Variants in VPS13C observed in about 807,000 individuals in gnomAD.
VPS13C encodes the protein intermembrane lipid transfer protein VPS13C.
Under a neutral mutation model 456.8 loss-of-function variants are expected in VPS13C, and 358 were observed. The observed-to-expected ratio is 0.78, with a 90% confidence interval of 0.72 to 0.86. The LOEUF (loss-of-function observed/expected upper bound fraction) is 0.86. VPS13C is among the 40% of genes least tolerant of loss of function. The pLI is 0.00. For synonymous variants in VPS13C, 1,578 were observed against 1,486.7 expected (o/e 1.06, Z -1.41); for missense variants, 4,818 against 4,385.4 (o/e 1.10, Z -2.79).
chr15:61,904,426 A>G (rs1237728251), intron 66 of VPS13C, among the ~76,000 whole-genome samples: 2 of 151,956 alleles, frequency 1.3e-5, no homozygotes, highest in Non-Finnish European at 2.9e-5. Flanking sequence ...CACCAGGGAA[A>G]TACAAGTCAA....
intron 28 of VPS13C, 61 bp from the exon 29 acceptor site, chr15:61,967,508 A>G: frequency 7.6e-7 from 1 of 1,324,212 alleles, no homozygotes; most frequent in East Asian, 2.4e-5. Flanking sequence ...GTAATTTGAA[A>G]CATTTTAGAT....
chr15:61,881,154 T>G (rs1444065606), intron 71 of VPS13C, among the ~76,000 whole-genome samples, 200 bp from the exon 72 acceptor site: 1 of 152,114 alleles, frequency 6.6e-6, no homozygotes, highest in Non-Finnish European at 1.5e-5. Context: ...TACTGCTGCA[T>G]TAACACTTAG....
Position 61,920,495 on chromosome 15 carries a change from T to C in VPS13C, c.7212+3A>G. 7.9e-6 allele frequency: 12 copies of C among 1,523,236 alleles called. No homozygotes were observed. Among genetic ancestry groups the C allele is most frequent in the Non-Finnish European group, 1.1e-5 (12 of 1,136,076 alleles). The allele number at this position is 1,523,236 out of a possible 1,614,324, so 94.4% of individuals were successfully genotyped here. A position where few individuals can be genotyped will look rare whatever the true frequency, so the allele number is the denominator to read the frequency against. On this transcript the variant is annotated splice_donor_region_variant and intron_variant, in intron 56 of 84. Transcript: ENST00000644861. ...AAATATTCTAAGCAAGATTCAGACA[T>C]ACTTTTGCTAAATTGTTGAAAACAT... is the stretch of plus-strand genomic sequence containing the variant.
At position 61,929,487 on chromosome 15, in the gene VPS13C, T is replaced by TA. The variant is rs1241365764; in HGVS notation, c.6286+13dup. On this transcript the variant is annotated intron_variant, in intron 51 of 84. Coordinates refer to ENST00000644861, the MANE Select transcript of VPS13C (RefSeq NM_020821.3). ...TATACAAGTTGTCATCTATGACAGA[T>TA]AAATTCTGCTAACCTTTCTCTATCT... 1.2e-6 allele frequency: 2 copies of TA among 1,610,278 alleles called. No individual in the cohort carries two copies. The highest frequency in any genetic ancestry group is 1.7e-6 in the Non-Finnish European group (2 of 1,177,206).
chr15:61,922,427 T>C lies in VPS13C; in HGVS notation c.6945A>G (p.Leu2315=). 6.2e-7 allele frequency: 1 copy of C among 1,613,848 alleles called. No homozygotes were observed. The highest frequency in any genetic ancestry group is 8.5e-7 in the Non-Finnish European group (1 of 1,179,852). The part of the protein sequence containing the change: ...FSGNIKNWTS[L]MAAVADVTLQ... ...GTGTCACGTCAGCAACAGCAGCCAT[T>C]AGAGAAGTCCAATTTTTAATATTTC... The change falls in exon 54 of 85, where the codon CTA becomes CTG. Residue 2315 remains leucine (L), a synonymous_variant. Coordinates refer to ENST00000644861, the MANE Select transcript of VPS13C (RefSeq NM_020821.3).
chr15:61,977,417 C>T (rs2140369404), intron 23 of VPS13C, among the ~76,000 whole-genome samples: 1 of 152,016 alleles, frequency 6.6e-6, no homozygotes, highest in East Asian at 1.9e-4. Flanking sequence ...GGATCAAAGA[C>T]TGTGATATAA....
intron 81 of VPS13C, chr15:61,866,291 T>C (rs1317383922): frequency 1.0e-6 from 1 of 983,650 alleles, no homozygotes; most frequent in African/African-American, 1.7e-5. Flanking sequence ...TTGTCTGATA[T>C]CTTAATAAAA....
chr15:61,868,839 G>T, intron 80 of VPS13C, 66 bp from the exon 81 acceptor site: 1 of 1,204,252 alleles, frequency 8.3e-7, no homozygotes, highest in Non-Finnish European at 1.2e-6. Flanking sequence ...TGTGTGTGTT[G>T]ATTAAATACA....
intron 9 of VPS13C, among the ~76,000 whole-genome samples, chr15:62,017,819 G>A (rs2047313097): frequency 6.6e-6 from 1 of 152,132 alleles, no homozygotes; most frequent in Admixed American, 6.5e-5. Context: ...CCAATTCTGT[G>A]AAGAAAGTCA....
rs2046664346 is a variant in VPS13C, at chr15:62,002,498, T to G, written c.1291-1872A>C. The stretch of plus-strand genomic sequence containing the variant: ...TGTTCACTCTGATGGTAGTTTCTTT[T>G]GCTGTGCAGAAGCGCTTTAGTTTAA... On this transcript the variant is annotated intron_variant, in intron 15 of 84. Coordinates refer to ENST00000644861, the MANE Select transcript of VPS13C (RefSeq NM_020821.3). 2.6e-5 allele frequency among the ~76,000 whole-genome samples: 4 copies of G among 152,220 alleles called. No individual in the cohort carries two copies. The South Asian group carries it at 8.3e-4, about 32-fold the overall frequency.
At chr15:62,031,428 C>T (rs1406897287) in intron 5 of VPS13C, among the ~76,000 whole-genome samples, 1 of 151,762 alleles carries the variant, frequency 6.6e-6, no homozygotes, top group Admixed American at 6.6e-5. Context: ...CAGGGTTGTC[C>T]TCTATCATTC....
chr15:62,020,758 G>A (rs2047433443), intron 8 of VPS13C, among the ~76,000 whole-genome samples: 1 of 152,008 alleles, frequency 6.6e-6, no homozygotes, highest in East Asian at 1.9e-4. Context: ...TTTCCCAGTG[G>A]AACTCTTTTC....
At chr15:62,029,321 ACAT>A (rs1050120919) in intron 5 of VPS13C, among the ~76,000 whole-genome samples, 13 of 152,268 alleles carry the variant, frequency 8.5e-5, no homozygotes, top group Middle Eastern at 3.4e-3. Context: ...ATTACCATTA[ACAT>A]CATCAGAGCA....
intron 1 of VPS13C, among the ~76,000 whole-genome samples, chr15:62,059,700 T>C (rs1266299860): frequency 6.6e-6 from 1 of 152,186 alleles, no homozygotes; most frequent in African/African-American, 2.4e-5. Context: ...TCACAGGAGC[T>C]GAAAGCATTA....
intron 61 of VPS13C, 39 bp downstream of exon 61, chr15:61,915,594 A>G: frequency 6.6e-7 from 1 of 1,519,840 alleles, no homozygotes; most frequent in South Asian, 1.4e-5. Context: ...TAGATTAGGA[A>G]TTTATCTGCT....
At chr15:61,909,957 T>C (rs1443917561) in intron 64 of VPS13C, among the ~76,000 whole-genome samples, 3 of 110,868 alleles carry the variant, frequency 2.7e-5, no homozygotes, top group African/African-American at 1.1e-4. Context: ...AAGGGGAACA[T>C]CACACACTGG....
At chr15:61,981,624 G>C in intron 21 of VPS13C, 146 bp from the exon 22 acceptor site, 1 of 654,396 alleles carries the variant, frequency 1.5e-6, no homozygotes, top group Non-Finnish European at 2.3e-6. Context: ...ACTTTGGGAG[G>C]CCGAGACAGG....
intron 30 of VPS13C, among the ~76,000 whole-genome samples, chr15:61,965,304 G>T (rs923418425): frequency 6.6e-6 from 1 of 151,750 alleles, no homozygotes; most frequent in Non-Finnish European, 1.5e-5. Context: ...ATATAAAAAG[G>T]ACAATTATGA....
intron 16 of VPS13C, 48 bp downstream of exon 16, chr15:62,000,515 CG>C (rs766749325): frequency 6.6e-7 from 1 of 1,511,500 alleles, no homozygotes; most frequent in African/African-American, 1.4e-5. Flanking sequence ...GGTTTAAAAG[CG>C]GGCATTAACA....
Sources: allele counts gnomAD v4.1 joint callset (sites outside exome capture counted in the v4.1 genomes callset), GRCh38; gene constraint gnomAD v4.1.1; transcripts MANE v1.5; gene names NCBI Gene and HGNC (gene_info 2026-07-23, HGNC 2026-07-21).